Variants in CAMK1D observed in about 807,000 individuals in gnomAD.
CAMK1D encodes calcium/calmodulin dependent protein kinase ID, also known as calcium/calmodulin-dependent protein kinase type 1D.
A neutral mutation model predicts 47.7 loss-of-function variants in CAMK1D; 9 were observed. That is an observed-to-expected ratio of 0.19 (90% CI 0.11 to 0.33). CAMK1D has a LOEUF of 0.33. CAMK1D is among the 10% of genes least tolerant of loss of function. The pLI is 1.00. For synonymous variants in CAMK1D, 184 were observed against 184.9 expected (o/e 0.99, Z 0.04); for missense variants, 291 against 488.7 (o/e 0.60, Z 3.81).
At position 12,801,391 on chromosome 10, in the gene CAMK1D, T is replaced by TATCTATCTATCC. The variant is rs1242051924; in HGVS notation, c.641+10161_641+10162insTATCTATCCATC. On this transcript the variant is annotated intron_variant, in intron 6 of 10. Transcript: ENST00000619168. ...CTATCTATCTATCTATCTATCTATC[T>TATCTATCTATCC]ATCCATCCATCTGTCCATCTCATTC... 9.2e-4 allele frequency among the ~76,000 whole-genome samples: 134 copies of TATCTATCTATCC among 145,258 alleles called. 1 individual carries two copies. The highest frequency in any genetic ancestry group is 1.4e-3 in the Non-Finnish European group (90 of 65,718).
intron 2 of CAMK1D, among the ~76,000 whole-genome samples, chr10:12,643,170 T>A (rs996353942): frequency 6.6e-6 from 1 of 152,032 alleles, no homozygotes; most frequent in Admixed American, 6.5e-5. Flanking sequence ...CCTGGCTAAT[T>A]TTTTGTATTT....
intron 3 of CAMK1D, among the ~76,000 whole-genome samples, chr10:12,743,958 G>A (rs771727110): frequency 7.9e-5 from 12 of 151,968 alleles, no homozygotes; most frequent in Non-Finnish European, 1.3e-4. Context: ...GGGAGGCAGA[G>A]GTTGCAGTGA....
At chr10:12,585,704 C>T (rs1216995804) in intron 2 of CAMK1D, among the ~76,000 whole-genome samples, 1 of 152,112 alleles carries the variant, frequency 6.6e-6, no homozygotes, top group Non-Finnish European at 1.5e-5. Flanking sequence ...GGGGAAACCA[C>T]CCCATGATTC....
At chr10:12,414,989 T>C (rs1460816753) in intron 1 of CAMK1D, among the ~76,000 whole-genome samples, 2 of 152,200 alleles carry the variant, frequency 1.3e-5, no homozygotes. Context: ...TAGTTAACTC[T>C]CTTTGATTTT....
chr10:12,564,155 C>A (rs61848324), intron 2 of CAMK1D, among the ~76,000 whole-genome samples: 1 of 103,474 alleles, frequency 9.7e-6, no homozygotes, highest in Non-Finnish European at 2.1e-5. Flanking sequence ...CTGTCTCTCT[C>A]TCTCTCTCTC....
chr10:12,538,312 T>C (rs577718357), intron 1 of CAMK1D, among the ~76,000 whole-genome samples: 1 of 152,318 alleles, frequency 6.6e-6, no homozygotes. Flanking sequence ...TCTCTTTAGC[T>C]CTGTGACCCT....
intron 3 of CAMK1D, among the ~76,000 whole-genome samples, chr10:12,701,119 T>C (rs1238339984): frequency 6.6e-6 from 1 of 151,932 alleles, no homozygotes; most frequent in Non-Finnish European, 1.5e-5. Context: ...TTTTTTTTTT[T>C]TTTCTTTTTT....
intron 1 of CAMK1D, among the ~76,000 whole-genome samples, chr10:12,374,874 C>T (rs2724776): frequency 0.11 from 14,560 of 136,748 alleles, 815 homozygotes; most frequent in African/African-American, 0.14. Flanking sequence ...ACCTGGGAGG[C>T]GGAAGTTGTA....
chr10:12,662,054 T>C (rs1362776245), intron 2 of CAMK1D, among the ~76,000 whole-genome samples: 4 of 152,202 alleles, frequency 2.6e-5, no homozygotes, highest in African/African-American at 9.7e-5. Context: ...TAGAGAGCAA[T>C]TGAAGCCAGC....
intron 8 of CAMK1D, among the ~76,000 whole-genome samples, chr10:12,820,518 G>A (rs1467679197): frequency 6.6e-6 from 1 of 152,076 alleles, no homozygotes; most frequent in Non-Finnish European, 1.5e-5. Context: ...TCCTCCAGGC[G>A]GCCCCTCCTC....
intron 3 of CAMK1D, among the ~76,000 whole-genome samples, chr10:12,746,886 A>G (rs112495848): frequency 1.5e-3 from 235 of 152,314 alleles, no homozygotes; most frequent in African/African-American, 5.1e-3. Flanking sequence ...TGATACTACA[A>G]TAGATGCCTT....
At position 12,349,742 on chromosome 10, in the gene CAMK1D, T is replaced by G. The variant is rs1837291300; in HGVS notation, c.-77T>G. 2.2e-6 allele frequency: 1 copy of G among 462,990 alleles called. No individual in the cohort carries two copies. Among genetic ancestry groups the G allele is most frequent in the Non-Finnish European group, 3.0e-6 (1 of 338,174 alleles). The allele number at this position is 462,990 out of a possible 1,614,324, so 28.7% of individuals were successfully genotyped here. On this transcript the variant is annotated 5_prime_UTR_variant, in exon 1 of 11. Coordinates refer to ENST00000619168, the MANE Select transcript of CAMK1D (RefSeq NM_153498.4). ...CGAGCCGCCCGGCATCCCCGCCGCC[T>G]CTGCGCCCGCGCCGCGCCCCCGGCG...
chr10:12,640,465 T>C (rs1044718278), intron 2 of CAMK1D, among the ~76,000 whole-genome samples: 10 of 152,198 alleles, frequency 6.6e-5, no homozygotes, highest in Non-Finnish European at 1.3e-4. Context: ...CATTAAGTAC[T>C]GTGTGTATGT....
At chr10:12,666,584 A>T (rs1840437670) in intron 2 of CAMK1D, 152 bp from the exon 3 acceptor site, 10 of 646,128 alleles carry the variant, frequency 1.5e-5, no homozygotes, top group Non-Finnish European at 2.7e-5. Context: ...ATGGGTCTGG[A>T]AAAAGTCTGG....
chr10:12,498,108 C>T (rs1025238964), intron 1 of CAMK1D, among the ~76,000 whole-genome samples: 3 of 152,198 alleles, frequency 2.0e-5, no homozygotes, highest in Non-Finnish European at 4.4e-5. Context: ...CCCATCGGGT[C>T]CCTCCCACAA....
chr10:12,497,143 T>C (rs1394786373), intron 1 of CAMK1D, among the ~76,000 whole-genome samples: 1 of 152,196 alleles, frequency 6.6e-6, no homozygotes, highest in East Asian at 1.9e-4. Context: ...CTATCATTGA[T>C]GGGCATTTGG....
rs562699272 is a variant in CAMK1D at position 12,497,536 on chromosome 10, T to C, written c.93-55689T>C. Among the ~76,000 whole-genome samples the C allele has an allele frequency of 1.6e-4, 24 of 151,954 alleles. No individual in the cohort carries two copies. In the South Asian group the frequency reaches 5.0e-3, roughly 31 times the overall value. On this transcript the variant is annotated intron_variant, in intron 1 of 10. Coordinates refer to ENST00000619168, the MANE Select transcript of CAMK1D (RefSeq NM_153498.4). ...TTATGGTTGTGATGGGCTTAAATTC[T>C]ATTAGGTTTAAGATTTGGTGTGTGT...
intron 1 of CAMK1D, among the ~76,000 whole-genome samples, chr10:12,386,381 G>T (rs996006819): frequency 2.0e-5 from 3 of 151,440 alleles, no homozygotes; most frequent in African/African-American, 7.3e-5. Flanking sequence ...AGGTTGCAGT[G>T]AGCTGAGATT....
intron 2 of CAMK1D, among the ~76,000 whole-genome samples, chr10:12,616,604 G>A (rs1375803710): frequency 6.6e-6 from 1 of 150,868 alleles, no homozygotes; most frequent in African/African-American, 2.4e-5. Flanking sequence ...TGCAAGCTCC[G>A]CCTCCCGGGT....
Sources: allele counts gnomAD v4.1 joint callset (sites outside exome capture counted in the v4.1 genomes callset), GRCh38; gene constraint gnomAD v4.1.1; transcripts MANE v1.5; gene names NCBI Gene and HGNC (gene_info 2026-07-23, HGNC 2026-07-21).